Variants in SYNJ2 observed in about 807,000 individuals in gnomAD.
The protein encoded by SYNJ2 is polyphosphatidylinositol phosphatase SYNJ2.
In SYNJ2, 116 loss-of-function variants were observed where a neutral mutation model predicts 141.3. The ratio of observed to expected loss-of-function variants is 0.82; its 90% confidence interval spans 0.71 to 0.96. The LOEUF is 0.96. SYNJ2 is among the 40% of genes least tolerant of loss of function. The pLI is 0.00. For synonymous variants in SYNJ2, 745 were observed against 777.7 expected, an observed-to-expected ratio of 0.96 and a Z score of 0.70; for missense variants, 1,873 against 1,934.8, an observed-to-expected ratio of 0.97 and a Z score of 0.60.
At chr6:158,085,631 G>A (rs957753285) in intron 22 of SYNJ2, among the ~76,000 whole-genome samples, 4 of 152,160 alleles carry the variant, frequency 2.6e-5, no homozygotes, top group Non-Finnish European at 5.9e-5. Context: ...ACCGTACGCT[G>A]GTCCCCACAC....
intron 18 of SYNJ2, chr6:158,078,854 G>T (rs1168761456): frequency 6.7e-6 from 1 of 150,128 alleles, no homozygotes; most frequent in Non-Finnish European, 1.5e-5. Flanking sequence ...GAGTACAGTG[G>T]TGTGATCTCA....
At chr6:158,093,832 C>G in intron 26 of SYNJ2, 1 of 751,992 alleles carries the variant, frequency 1.3e-6, no homozygotes, top group Admixed American at 1.7e-5. Context: ...CACATGCTCT[C>G]GTGCGGCCTC....
chr6:158,043,547 T>A lies in SYNJ2; in HGVS notation c.795+148T>A. 1.6e-6 allele frequency: 1 copy of A among 622,406 alleles called. No individual in the cohort carries two copies. The highest frequency in any genetic ancestry group is 2.8e-6 in the Non-Finnish European group (1 of 351,950). The allele number at this position is 622,406 out of a possible 1,614,324, so 38.6% of individuals were successfully genotyped here. On this transcript the variant is annotated intron_variant, in intron 5 of 26. Transcript: ENST00000355585. The surrounding 1 kb of genome is among the most constrained non-coding windows in gnomAD (Gnocchi z 4.0). The stretch of plus-strand genomic sequence containing the variant: ...TCAGCCCTGTTGTGTTGAGCTGAGC[T>A]ATCAAAGTGTGCACACGTGTGTGCA...
At chr6:157,987,885 A>G (rs540984810) in intron 1 of SYNJ2, among the ~76,000 whole-genome samples, 16 of 152,342 alleles carry the variant, frequency 1.1e-4, no homozygotes, top group African/African-American at 3.8e-4. Flanking sequence ...ACATTTTTAA[A>G]AGCAAAGTGA....
chr6:157,992,469 G>A (rs1777483602), intron 1 of SYNJ2, among the ~76,000 whole-genome samples: 1 of 140,312 alleles, frequency 7.1e-6, no homozygotes, highest in Admixed American at 7.8e-5. Context: ...AGGCTATAGT[G>A]CAGTGGTGCG....
Position 158,081,231 on chromosome 6 carries a change from A to C in SYNJ2, c.2690A>C (p.Gln897Pro). Residue 897 changes from glutamine (Q) to proline (P), a missense_variant, in exon 19 of 27, where the codon CAA becomes CCA. Physicochemically the swap from Gln to Pro is moderately conservative, Grantham distance 76. Coordinates refer to ENST00000355585, the MANE Select transcript of SYNJ2 (RefSeq NM_003898.4). ...GATGCCACTGTTGTAGTAAACCTTCAATCACCGACCTTAGAAGAGAAAAAC... is the reference window on the plus strand; with the variant it reads ...GATGCCACTGTTGTAGTAAACCTTCCATCACCGACCTTAGAAGAGAAAAAC... Reference protein sequence around the residue: ...PLDATVVVNLQSPTLEEKNEF... With the variant: ...PLDATVVVNLPSPTLEEKNEF... 1 of 1,614,162 alleles carries C rather than the reference A, an allele frequency of 6.2e-7. No homozygotes were observed. The highest frequency in any genetic ancestry group is 8.5e-7 in the Non-Finnish European group (1 of 1,180,020).
At chr6:158,079,121 C>G (rs1428175318) in intron 18 of SYNJ2, 1 of 152,206 alleles carries the variant, frequency 6.6e-6, no homozygotes, top group Non-Finnish European at 1.5e-5. Flanking sequence ...TTTAAATGCT[C>G]TGTGCATCAT....
chr6:158,062,885 A>G (rs1287863467), intron 8 of SYNJ2, among the ~76,000 whole-genome samples: 5 of 152,072 alleles, frequency 3.3e-5, no homozygotes, highest in Admixed American at 6.6e-5. Context: ...CATGGTTTAG[A>G]ATGGCCCCAA....
At chr6:158,078,123 C>T (rs1406743724) in intron 17 of SYNJ2, 41 bp from the exon 18 acceptor site, 2 of 1,332,016 alleles carry the variant, frequency 1.5e-6, no homozygotes, top group Middle Eastern at 1.8e-4. Flanking sequence ...GATATTGACT[C>T]GATTCTATAT....
intron 15 of SYNJ2, among the ~76,000 whole-genome samples, chr6:158,073,892 C>A: frequency 1.0e-5 from 1 of 99,084 alleles, no homozygotes; most frequent in African/African-American, 4.0e-5. Flanking sequence ...GCCTTTGTTT[C>A]TGAACTTTGT....
chr6:157,985,385 T>C (rs1777162380), intron 1 of SYNJ2, among the ~76,000 whole-genome samples: 1 of 152,248 alleles, frequency 6.6e-6, no homozygotes, highest in African/African-American at 2.4e-5. Flanking sequence ...CTGTCTTTTA[T>C]GTAGATCAGT....
chr6:157,999,824 A>G (rs1777768778), intron 1 of SYNJ2, among the ~76,000 whole-genome samples: 1 of 152,196 alleles, frequency 6.6e-6, no homozygotes, highest in Admixed American at 6.5e-5. Flanking sequence ...CCTAGAGCAG[A>G]AAGCTGTGAT....
In SYNJ2 at chr6:158,071,389, G is replaced by C. The variant is rs930871288; in HGVS notation, c.1941-213G>C. Among the ~76,000 whole-genome samples, 5 of 152,086 alleles carry C rather than the reference G, an allele frequency of 3.3e-5. No homozygotes were observed. Among genetic ancestry groups the C allele is most frequent in the African/African-American group, 7.2e-5 (3 of 41,404 alleles). ...AGTGAGCACTTCCCAGTTGGGGTGT[G>C]GGGGAGATGTCCAGGCAGCGGTGGG... On this transcript the variant is annotated intron_variant, in intron 14 of 26. Transcript: ENST00000355585. The surrounding 1 kb of genome is among the most constrained non-coding windows in gnomAD (Gnocchi z 4.3).
intron 1 of SYNJ2, chr6:158,001,416 G>C (rs1481688558): frequency 9.1e-6 from 1 of 109,806 alleles, no homozygotes; most frequent in South Asian, 4.0e-4. Context: ...TTTTTTTTGA[G>C]ATGGAGCCTG....
At chr6:158,030,343 C>T (rs1467006538) in intron 3 of SYNJ2, 1 of 152,630 alleles carries the variant, frequency 6.6e-6, no homozygotes, top group Non-Finnish European at 1.5e-5. Flanking sequence ...ATCAGTTTTC[C>T]CAGCTCTGAG....
rs759915275 is a variant in SYNJ2 at position 158,069,603 on chromosome 6, T to C, written c.1870T>C (p.Leu624=). ...AISRSHRYIL[L]TSAQLVGVCL... ...CTCACGCTCTCATAGATACATTCTG[T>C]TGACTTCGGCACAGCTGGTGGGCGT... Residue 624 remains leucine (L), a synonymous_variant, in exon 14 of 27, where the codon TTG becomes CTG. Transcript: ENST00000355585. 2.5e-6 allele frequency: 4 copies of C among 1,614,100 alleles called. No individual in the cohort carries two copies. In the East Asian group the frequency reaches 8.9e-5, roughly 36 times the overall value.
At chr6:158,041,528 CAG>C (rs1779946903) in intron 4 of SYNJ2, among the ~76,000 whole-genome samples, 1 of 152,134 alleles carries the variant, frequency 6.6e-6, no homozygotes, top group East Asian at 1.9e-4. Context: ...CTTCTTGCTC[CAG>C]TGTGGGCAGG....
At chr6:157,985,696 G>T (rs752960298) in intron 1 of SYNJ2, among the ~76,000 whole-genome samples, 1 of 152,192 alleles carries the variant, frequency 6.6e-6, no homozygotes, top group Non-Finnish European at 1.5e-5. Context: ...AAAGTTCAAG[G>T]TTCTCCAACA....
In SYNJ2 at chr6:158,064,820, C is replaced by G. The variant is rs771881226; in HGVS notation, c.1360-6C>G. The G allele has an allele frequency of 6.2e-7, 1 of 1,608,332 alleles. No individual in the cohort carries two copies. Among genetic ancestry groups the G allele is most frequent in the African/African-American group, 1.3e-5 (1 of 74,864 alleles). On this transcript the variant is annotated splice_polypyrimidine_tract_variant and splice_region_variant and intron_variant, in intron 10 of 26. Transcript: ENST00000355585. ...CCTCACGGCCTGCGGTCTGGGCTCTCGGCAGGTGGGGAAGCTGAAGGATGG... is the reference window on the plus strand; with the variant it reads ...CCTCACGGCCTGCGGTCTGGGCTCTGGGCAGGTGGGGAAGCTGAAGGATGG...
Sources: allele counts gnomAD v4.1 joint callset (sites outside exome capture counted in the v4.1 genomes callset), GRCh38; gene constraint gnomAD v4.1.1; non-coding constraint Gnocchi (gnomAD v3.1); transcripts MANE v1.5; gene names NCBI Gene and HGNC (gene_info 2026-07-23, HGNC 2026-07-21).